ADAMTS17: variants seen among roughly 807,000 people sequenced by gnomAD.
ADAMTS17 encodes the protein A disintegrin and metalloproteinase with thrombospondin motifs 17.
Under a neutral mutation model 141.5 loss-of-function variants are expected in ADAMTS17, and 113 were observed. The observed-to-expected ratio is 0.80, with a 90% CI of 0.69 to 0.93. The LOEUF (loss-of-function observed/expected upper bound fraction) is 0.93, where lower values mean the gene tolerates loss of function less well. ADAMTS17 is among the 40% of genes least tolerant of loss of function. The pLI is 0.00. For missense variants in ADAMTS17, 1,659 were observed against 1,517.9 expected, an observed-to-expected ratio of 1.09 and a Z score of -1.54; for synonymous variants, 768 against 630.6, an observed-to-expected ratio of 1.22 and a Z score of -3.27.
chr15:100,125,760 G>C (rs1596497597), intron 12 of ADAMTS17, among the ~76,000 whole-genome samples: 1 of 152,060 alleles, frequency 6.6e-6, no homozygotes, highest in Non-Finnish European at 1.5e-5. Flanking sequence ...TGGAAACACC[G>C]ATGGTCCCTA....
intron 14 of ADAMTS17, among the ~76,000 whole-genome samples, chr15:100,099,714 C>A (rs2035977561): frequency 6.6e-6 from 1 of 152,120 alleles, no homozygotes; most frequent in South Asian, 2.1e-4. Context: ...GGAACAATGT[C>A]CCACGGCATA....
intron 15 of ADAMTS17, among the ~76,000 whole-genome samples, chr15:100,088,212 C>T (rs1348028255): frequency 6.6e-6 from 1 of 152,078 alleles, no homozygotes; most frequent in African/African-American, 2.4e-5. Flanking sequence ...AACAGAGAGC[C>T]AAATCATGAG....
chr15:100,070,261 A>G lies in ADAMTS17; in HGVS notation c.2138-16207T>C, dbSNP rs924095330. Among the ~76,000 whole-genome samples the G allele has an allele frequency of 4.0e-5, 6 of 149,918 alleles. 1 individual carries two copies. Among genetic ancestry groups the G allele is most frequent in the African/African-American group, 1.5e-4 (6 of 40,512 alleles). Reference sequence around the variant, plus strand: ...ATAAAGCAAGTCCTGAGTGACCTACAAAGAGACTTAGACTCCCACACAATA... The same window carrying G: ...ATAAAGCAAGTCCTGAGTGACCTACGAAGAGACTTAGACTCCCACACAATA... On this transcript the variant is annotated intron_variant, in intron 15 of 21. Coordinates refer to ENST00000268070, the MANE Select transcript of ADAMTS17 (RefSeq NM_139057.4).
chr15:100,340,965 C>T, intron 2 of ADAMTS17, 74 bp downstream of exon 2: 2 of 1,505,246 alleles, frequency 1.3e-6, no homozygotes, highest in Non-Finnish European at 1.8e-6. Flanking sequence ...GGCGCCCCAC[C>T]CCCACCCTCC....
intron 10 of ADAMTS17, among the ~76,000 whole-genome samples, chr15:100,144,103 T>G (rs980948471): frequency 6.6e-6 from 1 of 152,312 alleles, no homozygotes; most frequent in South Asian, 2.1e-4. Context: ...TTTCAAAATA[T>G]AAAACATTCT....
chr15:100,307,858 G>A (rs924658794), intron 3 of ADAMTS17, among the ~76,000 whole-genome samples: 1 of 152,218 alleles, frequency 6.6e-6, no homozygotes, highest in Non-Finnish European at 1.5e-5. Context: ...ACACCTGGAC[G>A]ACAGTCTTGC....
At chr15:100,288,702 T>C (rs1318306778) in intron 3 of ADAMTS17, among the ~76,000 whole-genome samples, 2 of 151,972 alleles carry the variant, frequency 1.3e-5, no homozygotes, top group African/African-American at 2.4e-5. Flanking sequence ...TAGAAATCAA[T>C]ACTAAGAAGA....
At chr15:100,171,566 C>T (rs1040095486) in intron 8 of ADAMTS17, among the ~76,000 whole-genome samples, 1 of 152,216 alleles carries the variant, frequency 6.6e-6, no homozygotes, top group Non-Finnish European at 1.5e-5. Flanking sequence ...TGCCACTGTC[C>T]TCTGGCGGGC....
chr15:100,275,384 CTGCAGGAAGAGGATCT>C (rs2044046875), intron 4 of ADAMTS17, among the ~76,000 whole-genome samples: 1 of 152,242 alleles, frequency 6.6e-6, no homozygotes, highest in Non-Finnish European at 1.5e-5. Context: ...AGTTCCAATT[CTGCAGGAAGAGGATCT>C]TGCTGGTTAT....
At position 100,284,001 on chromosome 15, in the gene ADAMTS17, G is replaced by C. The variant is rs182193796; in HGVS notation, c.617-2600C>G. Among the ~76,000 whole-genome samples, 303 of 152,288 alleles carry C rather than the reference G, an allele frequency of 2.0e-3. 5 individuals are homozygous for C. The highest frequency in any genetic ancestry group is 3.1e-3 in the Non-Finnish European group (211 of 68,026). ...CGTGCCTGTAATCCCAGCCACTCGG[G>C]AGGCGAGGCAGGATAATTGCTTGAA... On this transcript the variant is annotated intron_variant, in intron 3 of 21. Transcript: ENST00000268070.
chr15:100,179,005 G>A (rs191892902), intron 8 of ADAMTS17, among the ~76,000 whole-genome samples: 44 of 152,114 alleles, frequency 2.9e-4, no homozygotes, highest in African/African-American at 1.0e-3. Flanking sequence ...TATTTATGGG[G>A]TGCATGAGAT....
intron 8 of ADAMTS17, among the ~76,000 whole-genome samples, chr15:100,184,815 G>T (rs187040868): frequency 2.0e-5 from 3 of 152,014 alleles, no homozygotes; most frequent in Non-Finnish European, 4.4e-5. Context: ...CTCTCTTCTG[G>T]GGGCCCTTCC....
chr15:100,137,946 TGCCC>T, intron 10 of ADAMTS17, among the ~76,000 whole-genome samples: 1 of 151,896 alleles, frequency 6.6e-6, no homozygotes. Flanking sequence ...CCAACACCAA[TGCCC>T]GCCCTTTCAT....
At chr15:100,127,287 A>G (rs1253646376) in intron 12 of ADAMTS17, among the ~76,000 whole-genome samples, 1 of 152,180 alleles carries the variant, frequency 6.6e-6, no homozygotes, top group Non-Finnish European at 1.5e-5. Context: ...TGGGCCCTAA[A>G]TCCAATGACA....
chr15:99,977,808 T>C (rs1052797915), intron 20 of ADAMTS17, among the ~76,000 whole-genome samples: 2 of 152,144 alleles, frequency 1.3e-5, no homozygotes, highest in South Asian at 4.1e-4. Context: ...TTTCGGCCCC[T>C]GCTTTCTCCC....
At chr15:100,260,410 T>C (rs2043475328) in intron 6 of ADAMTS17, among the ~76,000 whole-genome samples, 1 of 151,966 alleles carries the variant, frequency 6.6e-6, no homozygotes, top group Admixed American at 6.5e-5. Context: ...GGTCAGGGGT[T>C]CCAGACCAGC....
chr15:100,294,034 T>C lies in ADAMTS17; in HGVS notation c.617-12633A>G, dbSNP rs79526844. Among the ~76,000 whole-genome samples, 235 of 152,270 alleles carry C rather than the reference T, an allele frequency of 1.5e-3. 2 individuals are homozygous for C. Among genetic ancestry groups the C allele is most frequent in the African/African-American group, 5.5e-3 (227 of 41,558 alleles). On this transcript the variant is annotated intron_variant, in intron 3 of 21. Coordinates refer to ENST00000268070, the MANE Select transcript of ADAMTS17 (RefSeq NM_139057.4). Reference sequence around the variant, plus strand: ...GGGTGACAGTGGGTGAGTTTCCTTGTCTATAAGGCAAGATGATAATCGTTC... The same window carrying C: ...GGGTGACAGTGGGTGAGTTTCCTTGCCTATAAGGCAAGATGATAATCGTTC...
In ADAMTS17 at chr15:100,133,219, CTGCCCCACACTCGG is replaced by C. The variant is rs1253825818; in HGVS notation, c.1556_1569del (p.Thr519ArgfsTer48). On this transcript the variant is annotated frameshift_variant, in exon 11 of 22. Coordinates refer to ENST00000268070, the MANE Select transcript of ADAMTS17 (RefSeq NM_139057.4). LOFTEE classifies it high-confidence loss of function. ...AGTGGGAAGTCAGAGGTTACCTTGTCTGCCCCACACTCGGTGCCATCCAGGGGAGGGTCCAGCTT... is the reference window on the plus strand; with the variant it reads ...AGTGGGAAGTCAGAGGTTACCTTGTCTGCCATCCAGGGGAGGGTCCAGCTT... The C allele has an allele frequency of 6.3e-7, 1 of 1,589,592 alleles. No homozygotes were observed. Among genetic ancestry groups the C allele is most frequent in the African/African-American group, 1.3e-5 (1 of 74,642 alleles).
chr15:99,981,701 C>T (rs982656362), intron 20 of ADAMTS17, among the ~76,000 whole-genome samples: 5 of 152,060 alleles, frequency 3.3e-5, no homozygotes, highest in East Asian at 1.9e-4. Context: ...GAAGACAAAC[C>T]GTTATAAAAA....
Sources: allele counts gnomAD v4.1 joint callset (sites outside exome capture counted in the v4.1 genomes callset), GRCh38; gene constraint gnomAD v4.1.1; transcripts MANE v1.5; gene names NCBI Gene and HGNC (gene_info 2026-07-23, HGNC 2026-07-21).